Variants in RIMBP2 observed in about 807,000 individuals in gnomAD.
RIMBP2 encodes RIMS-binding protein 2.
RIMBP2 carries 48 observed loss-of-function variants against 118.6 expected under a neutral mutation model. That is an observed-to-expected ratio of 0.40 (90% confidence interval 0.32 to 0.51). RIMBP2 has a LOEUF of 0.51. Ranked by LOEUF, RIMBP2 falls within the 20% of genes least tolerant of loss-of-function variation. The probability of loss-of-function intolerance (pLI) is 0.41; values close to 1 mark genes in which losing one functional copy is unlikely to be tolerated. For missense variants in RIMBP2, 1,551 were observed against 1,768.3 expected (o/e 0.88, Z 2.20); for synonymous variants, 762 against 742.9 (o/e 1.03, Z -0.42).
Position 130,424,839 on chromosome 12 carries a change from G to A in RIMBP2, c.2432C>T (p.Thr811Ile). The A allele has an allele frequency of 8.1e-7, 1 of 1,232,564 alleles. No individual in the cohort carries two copies. Among genetic ancestry groups the A allele is most frequent in the East Asian group, 3.2e-5 (1 of 31,706 alleles). The allele number at this position is 1,232,564 out of a possible 1,614,324, so 76.4% of individuals were successfully genotyped here. ...CTGCTCCCAGAAAGTGCCTTCCGAG[G>A]TCCTATGGTCAGTGCAGTCCTTACG... ...NALKDCTDHR[T>I]SEGTFWEQPE... Residue 811 changes from threonine (T) to isoleucine (I), a missense_variant, in exon 16 of 23, where the codon ACC (threonine) becomes ATC (isoleucine). Physicochemically the swap from Thr to Ile is moderately conservative, Grantham distance 89 (BLOSUM62 -1). This residue lies in a region of RIMBP2 where 1,038 missense variants were observed against 1,125.1 expected (regional missense o/e 0.92). Coordinates refer to ENST00000690449, the MANE Select transcript of RIMBP2 (RefSeq NM_001393629.1). The surrounding 1 kb of genome is among the most constrained non-coding windows in gnomAD (Gnocchi z 9.8).
chr12:130,399,567 G>A, intron 22 of RIMBP2, 112 bp downstream of exon 22: 1 of 1,245,218 alleles, frequency 8.0e-7, no homozygotes, highest in Non-Finnish European at 1.1e-6. Flanking sequence ...AAAAATTCAG[G>A]GTGTATTTAC....
chr12:130,665,345 T>A (rs1260160449), intron 1 of RIMBP2, among the ~76,000 whole-genome samples: 2 of 151,298 alleles, frequency 1.3e-5, no homozygotes, highest in East Asian at 1.9e-4. Context: ...GGCAACATGG[T>A]GAAATCCCAT....
At chr12:130,414,330 A>G in intron 17 of RIMBP2, 24 bp from the exon 18 acceptor site, 1 of 1,560,616 alleles carries the variant, frequency 6.4e-7, no homozygotes, top group South Asian at 1.2e-5. Context: ...GGGGTGAAGA[A>G]CAGAGCGGCA....
At chr12:130,425,950 C>T (rs937220047) in intron 15 of RIMBP2, 13 of 152,370 alleles carry the variant, frequency 8.5e-5, no homozygotes, top group African/African-American at 3.1e-4. Context: ...GGTGAGGAGG[C>T]ATCGGGGCAC....
chr12:130,675,007 C>T (rs2064385438), intron 1 of RIMBP2, among the ~76,000 whole-genome samples: 1 of 152,208 alleles, frequency 6.6e-6, no homozygotes, highest in Non-Finnish European at 1.5e-5. Context: ...CGTTTATCTG[C>T]TCATCTGTAG....
At chr12:130,677,473 C>G (rs897184762) in intron 1 of RIMBP2, among the ~76,000 whole-genome samples, 1 of 152,040 alleles carries the variant, frequency 6.6e-6, no homozygotes. Flanking sequence ...ACTAAAAATA[C>G]AAAAATTAGC....
intron 1 of RIMBP2, among the ~76,000 whole-genome samples, chr12:130,675,894 A>C (rs1361151805): frequency 1.3e-5 from 2 of 152,180 alleles, no homozygotes; most frequent in Non-Finnish European, 2.9e-5. Context: ...GCATGCTGCA[A>C]TTCTAAGCCC....
intron 1 of RIMBP2, among the ~76,000 whole-genome samples, chr12:130,700,061 T>C (rs2065783931): frequency 6.6e-6 from 1 of 152,052 alleles, no homozygotes. Flanking sequence ...CAGATGCCCA[T>C]CTGCTACCCC....
intron 2 of RIMBP2, among the ~76,000 whole-genome samples, chr12:130,584,124 A>G (rs1262119887): frequency 1.4e-5 from 2 of 140,774 alleles, no homozygotes; most frequent in African/African-American, 5.4e-5. Flanking sequence ...CTATCATTAC[A>G]TATGATGTAA....
At chr12:130,571,436 T>G (rs2057648844) in intron 2 of RIMBP2, among the ~76,000 whole-genome samples, 1 of 137,428 alleles carries the variant, frequency 7.3e-6, no homozygotes, top group Non-Finnish European at 1.6e-5. Flanking sequence ...TTTTTTTTTT[T>G]GGAGACAGAG....
chr12:130,618,580 G>GTGCTGTGGGCTCCCAGGAGTTC (rs2061105029), intron 2 of RIMBP2, among the ~76,000 whole-genome samples: 1 of 152,108 alleles, frequency 6.6e-6, no homozygotes, highest in Non-Finnish European at 1.5e-5. Context: ...CTTTTGCCTA[G>GTGCTGTGGGCTCCCAGGAGTTC]TGCTGTGGGC....
rs1376599349 is a variant in RIMBP2 at position 130,424,274 on chromosome 12, CCTGGGGGGCGGCCTCTCCGGGCCGGG to C, written c.2971_2996del (p.Pro991GlufsTer27). 1 of 1,231,750 alleles carries C rather than the reference CCTGGGGGGCGGCCTCTCCGGGCCGGG, an allele frequency of 8.1e-7. No individual in the cohort carries two copies. Among genetic ancestry groups the C allele is most frequent in the Non-Finnish European group, 1.0e-6 (1 of 987,902 alleles). The allele number at this position is 1,231,750 out of a possible 1,614,324, so 76.3% of individuals were successfully genotyped here. A position where few individuals can be genotyped will look rare whatever the true frequency, so the allele number is the denominator to read the frequency against. On this transcript the variant is annotated frameshift_variant, in exon 16 of 23. Coordinates refer to ENST00000690449, the MANE Select transcript of RIMBP2 (RefSeq NM_001393629.1). LOFTEE classifies it high-confidence loss of function. This position sits in a 1 kb window ranked among gnomAD's most constrained non-coding sequence, Gnocchi z 9.8. ...CGGTGGGCTCGCCCCAGCCGTGCTTCCTGGGGGGCGGCCTCTCCGGGCCGGGCTGGGGGTCGTCGTTCCTGAGGAGG... is the reference window on the plus strand; with the variant it reads ...CGGTGGGCTCGCCCCAGCCGTGCTTCCTGGGGGTCGTCGTTCCTGAGGAGG...
chr12:130,699,513 G>A (rs2065738783), intron 1 of RIMBP2, among the ~76,000 whole-genome samples: 1 of 147,510 alleles, frequency 6.8e-6, no homozygotes, highest in African/African-American at 2.5e-5. Flanking sequence ...TCACTCATAG[G>A]TGGGAACTGA....
rs1482354437 is a variant in RIMBP2, at chr12:130,424,771, T to C, written c.2500A>G (p.Ile834Val). The part of the protein sequence containing the change: ...HQPHRKRLFS[I>V]PEVAEEDGEC... ...CCGTCCTCTTCCGCTACTTCGGGGATACTGAAAAGTCTCTTCCTGTGGGGC... is the reference window on the plus strand; with the variant it reads ...CCGTCCTCTTCCGCTACTTCGGGGACACTGAAAAGTCTCTTCCTGTGGGGC... Residue 834 changes from isoleucine (I) to valine (V), a missense_variant, in exon 16 of 23, where the codon ATC becomes GTC. By Grantham distance (29) the Ile-to-Val change is conservative. Coordinates refer to ENST00000690449, the MANE Select transcript of RIMBP2 (RefSeq NM_001393629.1). The surrounding 1 kb of genome is among the most constrained non-coding windows in gnomAD (Gnocchi z 9.8). 10 of 1,232,700 alleles carry C rather than the reference T, an allele frequency of 8.1e-6. No homozygotes were observed. Among genetic ancestry groups the C allele is most frequent in the Non-Finnish European group, 1.0e-5 (10 of 988,440 alleles). 76.4% of individuals were successfully genotyped at this position (1,232,700 alleles called of 1,614,324 possible).
At chr12:130,707,574 G>A (rs1363367194) in intron 1 of RIMBP2, among the ~76,000 whole-genome samples, 1 of 152,192 alleles carries the variant, frequency 6.6e-6, no homozygotes, top group East Asian at 1.9e-4. Context: ...GCCATCAGGA[G>A]GCCCTTGCGC....
At chr12:130,661,146 C>A (rs2063645500) in intron 1 of RIMBP2, among the ~76,000 whole-genome samples, 1 of 152,196 alleles carries the variant, frequency 6.6e-6, no homozygotes, top group Non-Finnish European at 1.5e-5. Flanking sequence ...AGTCTGTATT[C>A]CAGCAGCCAT....
At chr12:130,487,765 T>C (rs1185652289) in intron 4 of RIMBP2, among the ~76,000 whole-genome samples, 1 of 152,162 alleles carries the variant, frequency 6.6e-6, no homozygotes, top group African/African-American at 2.4e-5. Context: ...CAGGACTTGT[T>C]TCCCTGTCTA....
rs929407681 is a variant in RIMBP2, at chr12:130,447,584, G to A, written c.582-2315C>T. 6.6e-6 allele frequency among the ~76,000 whole-genome samples: 1 copy of A among 152,070 alleles called. No homozygotes were observed. The highest frequency in any genetic ancestry group is 2.4e-5 in the African/African-American group (1 of 41,366). On this transcript the variant is annotated intron_variant, in intron 9 of 22. Transcript: ENST00000690449. The surrounding 1 kb of genome is among the most constrained non-coding windows in gnomAD (Gnocchi z 4.4). ...TGATGGGAATGGGTTCTTGAGGGGC[G>A]ATGGGAGACCCCCACATGTGGCCGT... is the stretch of plus-strand genomic sequence containing the variant.
intron 1 of RIMBP2, among the ~76,000 whole-genome samples, chr12:130,653,897 G>GTGTC (rs1255806759): frequency 6.6e-6 from 1 of 152,360 alleles, no homozygotes; most frequent in South Asian, 2.1e-4. Context: ...GCAGGGAGCA[G>GTGTC]TGTCCTGAAG....
Sources: allele counts gnomAD v4.1 joint callset (sites outside exome capture counted in the v4.1 genomes callset), GRCh38; gene constraint gnomAD v4.1.1; regional missense constraint gnomAD v4.1.1; non-coding constraint Gnocchi (gnomAD v3.1); transcripts MANE v1.5; gene names NCBI Gene and HGNC (gene_info 2026-07-23, HGNC 2026-07-21).